The following UNC13C variants were observed in gnomAD, a reference collection of about 807,000 sequenced individuals.
UNC13C encodes the protein protein unc-13 homolog C.
Under a neutral mutation model 245.4 loss-of-function variants are expected in UNC13C, and 174 were observed. The ratio of observed to expected loss-of-function variants is 0.71; its 90% CI spans 0.63 to 0.80. The LOEUF (loss-of-function observed/expected upper bound fraction) is 0.80, where lower values mean the gene tolerates loss of function less well. Among genes scored for constraint, UNC13C ranks in the 30% least tolerant of loss-of-function variants. The probability of loss-of-function intolerance (pLI) is 0.00; values close to 1 mark genes in which losing one functional copy is unlikely to be tolerated. For synonymous variants in UNC13C, 992 were observed against 895.1 expected, an observed-to-expected ratio of 1.11 and a Z score of -1.93; for missense variants, 2,829 against 2,602.9, an observed-to-expected ratio of 1.09 and a Z score of -1.89.
At chr15:54,117,786 G>T (rs112258548) in intron 2 of UNC13C, among the ~76,000 whole-genome samples, 3,695 of 152,078 alleles carry the variant, frequency 0.024, 151 homozygotes, top group African/African-American at 0.08. Flanking sequence ...TTGCCATGTT[G>T]CCCAGGCTGG....
chr15:54,461,257 T>G (rs1033550962), intron 19 of UNC13C, among the ~76,000 whole-genome samples: 3 of 152,188 alleles, frequency 2.0e-5, no homozygotes, highest in African/African-American at 7.2e-5. Flanking sequence ...ATTTTTTGAG[T>G]GCTGACATGA....
intron 17 of UNC13C, among the ~76,000 whole-genome samples, chr15:54,373,080 G>A (rs989569575): frequency 1.3e-5 from 2 of 152,132 alleles, no homozygotes; most frequent in African/African-American, 4.8e-5. Context: ...CCCAGTTGAA[G>A]CAAAGCAACT....
chr15:54,155,238 G>A (rs1239540078), intron 4 of UNC13C, among the ~76,000 whole-genome samples: 8 of 152,208 alleles, frequency 5.3e-5, no homozygotes, highest in South Asian at 2.1e-4. Flanking sequence ...ATTCTGGAGC[G>A]GGGGCATTTG....
intron 2 of UNC13C, among the ~76,000 whole-genome samples, chr15:54,079,492 C>T (rs2141114863): frequency 6.6e-6 from 1 of 151,946 alleles, no homozygotes; most frequent in South Asian, 2.1e-4. Flanking sequence ...TTTCTTTCAT[C>T]ATTGTTTTAT....
At chr15:54,477,838 A>G (rs1892857503) in intron 19 of UNC13C, among the ~76,000 whole-genome samples, 1 of 149,158 alleles carries the variant, frequency 6.7e-6, no homozygotes, top group African/African-American at 2.5e-5. Context: ...TGAGTTAAGG[A>G]GGAGTCCCTC....
At chr15:54,576,023 T>C (rs1897944458) in intron 30 of UNC13C, among the ~76,000 whole-genome samples, 1 of 152,204 alleles carries the variant, frequency 6.6e-6, no homozygotes, top group Admixed American at 6.5e-5. Context: ...TCTAAGGATG[T>C]TGACTCCAAA....
intron 13 of UNC13C, among the ~76,000 whole-genome samples, chr15:54,317,476 T>C (rs974913206): frequency 1.3e-5 from 2 of 151,954 alleles, no homozygotes; most frequent in Admixed American, 6.6e-5. Context: ...TCTCAAAGTA[T>C]AAAATAGGCA....
chr15:54,043,687 C>T (rs1896908431), intron 2 of UNC13C, among the ~76,000 whole-genome samples: 1 of 152,156 alleles, frequency 6.6e-6, no homozygotes, highest in African/African-American at 2.4e-5. Flanking sequence ...GTGTAGACAA[C>T]CAGAACTTGG....
intron 19 of UNC13C, among the ~76,000 whole-genome samples, chr15:54,489,187 C>A (rs1893572358): frequency 6.6e-6 from 1 of 152,058 alleles, no homozygotes; most frequent in South Asian, 2.1e-4. Context: ...GGAACAATAA[C>A]AGCTCACTTT....
the UNC13C span, among the ~76,000 whole-genome samples, chr15:53,891,385 G>C: frequency 1.3e-5 from 2 of 152,140 alleles, no homozygotes; most frequent in African/African-American, 2.4e-5. Flanking sequence ...AGGTCCACTT[G>C]TTCCCGAGCT....
chr15:54,619,972 T>C (rs947260057), intron 30 of UNC13C, among the ~76,000 whole-genome samples: 1 of 152,120 alleles, frequency 6.6e-6, no homozygotes, highest in Non-Finnish European at 1.5e-5. Context: ...ATAACAGCAA[T>C]GATAATCAAT....
At chr15:54,546,880 C>T in intron 27 of UNC13C, 35 bp downstream of exon 27, 1 of 1,536,154 alleles carries the variant, frequency 6.5e-7, no homozygotes, top group Non-Finnish European at 8.7e-7. Context: ...CTTTCATTAA[C>T]CCATCTGTTT....
intron 22 of UNC13C, among the ~76,000 whole-genome samples, chr15:54,502,376 A>G (rs1181306679): frequency 7.9e-5 from 12 of 152,202 alleles, no homozygotes; most frequent in African/African-American, 2.9e-4. Context: ...AAACTGTATT[A>G]TATTTATTTG....
At chr15:53,923,501 T>C in the UNC13C span, among the ~76,000 whole-genome samples, 1 of 152,220 alleles carries the variant, frequency 6.6e-6, no homozygotes, top group South Asian at 2.1e-4. Context: ...ACCAACAGCC[T>C]TGATAACTTG....
intron 7 of UNC13C, 112 bp from the exon 8 acceptor site, chr15:54,250,113 C>G: frequency 1.1e-6 from 1 of 937,716 alleles, no homozygotes. Context: ...GATCCAGGGG[C>G]TCTCTCAAAA....
chr15:54,538,422 T>C (rs1198516176), intron 26 of UNC13C, among the ~76,000 whole-genome samples: 1 of 152,108 alleles, frequency 6.6e-6, no homozygotes, highest in Non-Finnish European at 1.5e-5. Flanking sequence ...TCATCCACTG[T>C]GGAAAACAGC....
chr15:54,452,789 G>T (rs1020245612), intron 19 of UNC13C, among the ~76,000 whole-genome samples: 1 of 152,224 alleles, frequency 6.6e-6, no homozygotes, highest in African/African-American at 2.4e-5. Context: ...GCTGGGGAGT[G>T]TGCACTTTGG....
intron 4 of UNC13C, among the ~76,000 whole-genome samples, chr15:54,183,158 A>G (rs1419818957): frequency 6.6e-6 from 1 of 151,990 alleles, no homozygotes; most frequent in East Asian, 1.9e-4. Context: ...AGATGGGAAA[A>G]TGAATATCAA....
At chr15:54,417,157 T>A in intron 19 of UNC13C, 1 of 353,070 alleles carries the variant, frequency 2.8e-6, no homozygotes, top group Non-Finnish European at 5.6e-6. Flanking sequence ...TCTATGACTT[T>A]TACCAACATA....
Sources: gnomAD v4.1 joint callset for allele counts (sites outside exome capture counted in the v4.1 genomes callset) on GRCh38, gnomAD v4.1.1 for gene constraint, MANE v1.5 for transcripts, NCBI Gene and HGNC (gene_info 2026-07-23, HGNC 2026-07-21) for gene names.